ATRNL1: variants seen among roughly 807,000 people sequenced by gnomAD.
ATRNL1 encodes the protein attractin like 1.
Under a neutral mutation model 182.7 loss-of-function variants are expected in ATRNL1, and 95 were observed. The ratio of observed to expected loss-of-function variants is 0.52; its 90% CI spans 0.44 to 0.62. The LOEUF is 0.62. ATRNL1 is among the 20% of genes least tolerant of loss of function. The pLI, the probability that ATRNL1 is intolerant of heterozygous loss-of-function variation, is 0.00. For synonymous variants in ATRNL1, 576 were observed against 568.3 expected (o/e 1.01, Z -0.19); for missense variants, 1,471 against 1,679.5 (o/e 0.88, Z 2.17).
chr10:115,423,561 C>A (rs562221223), intron 20 of ATRNL1, among the ~76,000 whole-genome samples: 2 of 152,042 alleles, frequency 1.3e-5, no homozygotes, highest in East Asian at 3.9e-4. Context: ...AACAAACAAA[C>A]AAGTTAAAAA....
chr10:115,690,369 C>T (rs1295887348), intron 26 of ATRNL1, among the ~76,000 whole-genome samples: 1 of 152,128 alleles, frequency 6.6e-6, no homozygotes, highest in Admixed American at 6.5e-5. Context: ...AAGGAGCACA[C>T]AACCTGGATC....
At chr10:115,845,751 A>C (rs1272244657) in intron 27 of ATRNL1, among the ~76,000 whole-genome samples, 1 of 151,834 alleles carries the variant, frequency 6.6e-6, no homozygotes, top group Non-Finnish European at 1.5e-5. Flanking sequence ...CAGTTAATAC[A>C]CTGAGAGTTT....
At chr10:115,296,596 A>G (rs1231343933) in intron 15 of ATRNL1, among the ~76,000 whole-genome samples, 1 of 152,184 alleles carries the variant, frequency 6.6e-6, no homozygotes, top group African/African-American at 2.4e-5. Flanking sequence ...CATTAATAAA[A>G]CTGATGAATT....
chr10:115,453,361 C>A (rs1464747458), intron 21 of ATRNL1, among the ~76,000 whole-genome samples: 5 of 151,944 alleles, frequency 3.3e-5, no homozygotes, highest in African/African-American at 1.2e-4. Context: ...GTCTCTTTGC[C>A]CAGTTTTAAT....
intron 15 of ATRNL1, among the ~76,000 whole-genome samples, chr10:115,288,269 G>A (rs1483619372): frequency 1.3e-5 from 2 of 152,106 alleles, no homozygotes; most frequent in Non-Finnish European, 2.9e-5. Flanking sequence ...TGGAACAAAT[G>A]ATAGTTCTAT....
chr10:115,132,448 T>A (rs1554875464), intron 5 of ATRNL1, among the ~76,000 whole-genome samples: 1 of 152,152 alleles, frequency 6.6e-6, no homozygotes, highest in Non-Finnish European at 1.5e-5. Flanking sequence ...ATATACCCAG[T>A]AATGGGATGG....
chr10:115,157,222 G>T (rs78097353), intron 5 of ATRNL1, among the ~76,000 whole-genome samples: 1,783 of 152,074 alleles, frequency 0.012, 33 homozygotes, highest in African/African-American at 0.04. Context: ...TAATTGTTCA[G>T]TATCAGAAAA....
chr10:115,213,441 C>G (rs2144392399), intron 8 of ATRNL1, among the ~76,000 whole-genome samples: 1 of 152,214 alleles, frequency 6.6e-6, no homozygotes, highest in South Asian at 2.1e-4. Context: ...AAGGAATAAG[C>G]CTACCCAAGT....
intron 27 of ATRNL1, among the ~76,000 whole-genome samples, chr10:115,846,774 CAT>C (rs1364419085): frequency 2.6e-5 from 4 of 152,064 alleles, no homozygotes; most frequent in Admixed American, 6.6e-5. Context: ...CATATGCACA[CAT>C]GTCATAAGCC....
rs146382644 is a variant in ATRNL1, at chr10:115,302,088, AT to A, written c.2818+48del. The A allele has an allele frequency of 2.3e-3, 3,346 of 1,469,408 alleles. 55 individuals are homozygous for A. The African/African-American group carries it at 0.04, about 18-fold the overall frequency. The allele number at this position is 1,469,408 out of a possible 1,614,324, so 91.0% of individuals were successfully genotyped here. A position where few individuals can be genotyped will look rare whatever the true frequency, so the allele number is the denominator to read the frequency against. The stretch of plus-strand genomic sequence containing the variant: ...GACTTTTCACTTGACAGCAACGTAA[AT>A]TTACTTTTCTGTGATGTAAAGAAGA... On this transcript the variant is annotated intron_variant, in intron 17 of 28. Transcript: ENST00000355044.
At chr10:115,878,081 C>T (rs1951739245) in intron 28 of ATRNL1, among the ~76,000 whole-genome samples, 1 of 152,216 alleles carries the variant, frequency 6.6e-6, no homozygotes, top group Non-Finnish European at 1.5e-5. Context: ...CCACTGCCCT[C>T]TCAGCGCTCC....
intron 26 of ATRNL1, among the ~76,000 whole-genome samples, chr10:115,647,816 A>C (rs1470911418): frequency 6.6e-6 from 1 of 152,014 alleles, no homozygotes; most frequent in Non-Finnish European, 1.5e-5. Context: ...CCCATTTGTC[A>C]ATTTTGGCTT....
chr10:115,267,088 A>T, intron 12 of ATRNL1, 83 bp downstream of exon 12: 2 of 943,472 alleles, frequency 2.1e-6, no homozygotes, highest in Non-Finnish European at 3.2e-6. Flanking sequence ...TATAAGAATT[A>T]CTTTAGTAGC....
At chr10:115,473,770 GT>G (rs1421427444) in intron 24 of ATRNL1, among the ~76,000 whole-genome samples, 80 of 151,290 alleles carry the variant, frequency 5.3e-4, no homozygotes, top group African/African-American at 1.7e-3. Flanking sequence ...ATGTGACCAA[GT>G]TTTCTATTTT....
chr10:115,106,042 G>A (rs976718478), intron 1 of ATRNL1, among the ~76,000 whole-genome samples: 38 of 152,152 alleles, frequency 2.5e-4, no homozygotes, highest in Admixed American at 2.2e-3. Flanking sequence ...TGGAAAAGCC[G>A]CAGATGTTCA....
chr10:115,154,237 A>AGAGCT (rs1483393357), intron 5 of ATRNL1, among the ~76,000 whole-genome samples: 1 of 151,530 alleles, frequency 6.6e-6, no homozygotes, highest in African/African-American at 2.4e-5. Flanking sequence ...CGCTTGGTGC[A>AGAGCT]GAGCTGAGTT....
intron 26 of ATRNL1, among the ~76,000 whole-genome samples, chr10:115,596,334 A>G (rs2769392): frequency 0.48 from 72,406 of 151,982 alleles, 18,719 homozygotes; most frequent in East Asian, 0.84. Context: ...TTGAGCTCCC[A>G]ACCTCAAGGG....
intron 27 of ATRNL1, among the ~76,000 whole-genome samples, chr10:115,745,636 T>C (rs1364159867): frequency 6.6e-6 from 1 of 152,178 alleles, no homozygotes; most frequent in Non-Finnish European, 1.5e-5. Flanking sequence ...ATTGTTGAGA[T>C]TTTGTATTTT....
chr10:115,674,840 C>T (rs1203669142), intron 26 of ATRNL1, among the ~76,000 whole-genome samples: 1 of 152,004 alleles, frequency 6.6e-6, no homozygotes, highest in East Asian at 1.9e-4. Flanking sequence ...AGCAACTTTG[C>T]ATAAAATGAC....
Sources: gnomAD v4.1 joint callset for allele counts (sites outside exome capture counted in the v4.1 genomes callset) on GRCh38, gnomAD v4.1.1 for gene constraint, MANE v1.5 for transcripts, NCBI Gene and HGNC (gene_info 2026-07-23, HGNC 2026-07-21) for gene names.